Variants in CTNNB1 observed in about 807,000 individuals in gnomAD.
CTNNB1 encodes catenin beta 1, also known as catenin beta-1.
Under a neutral mutation model 82.5 loss-of-function variants are expected in CTNNB1, and 6 were observed. The observed-to-expected ratio is 0.07, with a 90% CI of 0.04 to 0.14. The LOEUF (loss-of-function observed/expected upper bound fraction) is 0.14, where lower values mean the gene tolerates loss of function less well. CTNNB1 is among the 10% of genes least tolerant of loss of function. The pLI is 1.00. For missense variants in CTNNB1, 529 were observed against 980.4 expected, an observed-to-expected ratio of 0.54 and a Z score of 6.15; for synonymous variants, 312 against 329.7, an observed-to-expected ratio of 0.95 and a Z score of 0.58.
intron 1 of CTNNB1, among the ~76,000 whole-genome samples, chr3:41,200,725 AGAC>A (rs1213120402): frequency 2.6e-5 from 4 of 152,202 alleles, no homozygotes; most frequent in Non-Finnish European, 5.9e-5. Context: ...CTTTGAACCG[AGAC>A]TTTTCGAAGT....
intron 1 of CTNNB1, among the ~76,000 whole-genome samples, chr3:41,208,937 C>G (rs926000791): frequency 2.0e-5 from 3 of 152,182 alleles, no homozygotes; most frequent in Non-Finnish European, 1.5e-5. Context: ...CTCTTTCCCG[C>G]AAAATAACCT....
intron 7 of CTNNB1, among the ~76,000 whole-genome samples, chr3:41,227,692 A>G (rs1329062841): frequency 3.3e-5 from 5 of 152,226 alleles, no homozygotes; most frequent in African/African-American, 4.8e-5. Context: ...AGTTTTATGT[A>G]AAGTGATTGC....
intron 11 of CTNNB1, chr3:41,236,108 G>A: frequency 2.9e-6 from 2 of 700,680 alleles, no homozygotes; most frequent in Non-Finnish European, 4.7e-6. Context: ...CCAATTCTGG[G>A]TTTTCCAAAT....
intron 7 of CTNNB1, among the ~76,000 whole-genome samples, chr3:41,231,326 CAAA>C (rs11377041): frequency 7.4e-6 from 1 of 135,024 alleles, no homozygotes; most frequent in Non-Finnish European, 1.6e-5. Flanking sequence ...GACTCTATCT[CAAA>C]AAAAAAAAAA....
At chr3:41,227,781 A>G (rs957297646) in intron 7 of CTNNB1, among the ~76,000 whole-genome samples, 1 of 152,100 alleles carries the variant, frequency 6.6e-6, no homozygotes, top group African/African-American at 2.4e-5. Flanking sequence ...CTTGTTATAT[A>G]GGTAAATTGC....
intron 1 of CTNNB1, among the ~76,000 whole-genome samples, chr3:41,207,026 T>A (rs2077664173): frequency 6.6e-6 from 1 of 152,370 alleles, no homozygotes; most frequent in South Asian, 2.1e-4. Flanking sequence ...TTTTATTGTT[T>A]AGTTTTCAAG....
At chr3:41,234,357 T>A in intron 10 of CTNNB1, 60 bp downstream of exon 10, 4 of 1,564,140 alleles carry the variant, frequency 2.6e-6, no homozygotes, top group East Asian at 2.2e-5. Context: ...ATCCAAAGGA[T>A]CCTGAACTTC....
chr3:41,221,760 T>C (rs2078054132), intron 1 of CTNNB1: 1 of 152,246 alleles, frequency 6.6e-6, no homozygotes, highest in Non-Finnish European at 1.5e-5. Flanking sequence ...TTCATAATTT[T>C]TAAGCACTCC....
Position 41,239,714 on chromosome 3 carries a change from G to A in CTNNB1, c.*372G>A, listed in dbSNP as rs4135389. ...GCCTGTAGAGTTGCTGAGAGGGCTC[G>A]AGGGGTGGGCTGGTATCTCAGAAAG... On this transcript the variant is annotated 3_prime_UTR_variant, in exon 15 of 15. Transcript: ENST00000349496. 75 of 379,704 alleles carry A rather than the reference G, an allele frequency of 2.0e-4. No homozygotes were observed. The highest frequency in any genetic ancestry group is 1.3e-3 in the African/African-American group (63 of 49,178). The allele number at this position is 379,704 out of a possible 1,614,324, so 23.5% of individuals were successfully genotyped here.
chr3:41,228,424 A>G (rs1458071124), intron 7 of CTNNB1, among the ~76,000 whole-genome samples: 1 of 152,218 alleles, frequency 6.6e-6, no homozygotes, highest in Non-Finnish European at 1.5e-5. Context: ...AACTGGTGTG[A>G]GACGGTATCT....
At chr3:41,221,030 G>A (rs532038975) in intron 1 of CTNNB1, 80 of 152,248 alleles carry the variant, frequency 5.3e-4, no homozygotes, top group African/African-American at 1.9e-3. Flanking sequence ...AGAGTATTAT[G>A]TTCATATTGC....
chr3:41,210,420 C>T (rs965728132), intron 1 of CTNNB1, among the ~76,000 whole-genome samples: 3 of 152,152 alleles, frequency 2.0e-5, no homozygotes, highest in Admixed American at 1.3e-4. Flanking sequence ...CGCCACTGCA[C>T]TCCAGTCTGG....
chr3:41,224,228 G>C (rs1034968353), intron 2 of CTNNB1, 147 bp downstream of exon 2: 1 of 1,009,760 alleles, frequency 9.9e-7, no homozygotes, highest in Non-Finnish European at 1.6e-6. Flanking sequence ...TCCTCCTAAT[G>C]GCTTGGTGAA....
chr3:41,235,709 T>C lies in CTNNB1; in HGVS notation c.1684-15T>C. The C allele has an allele frequency of 6.2e-7, 1 of 1,614,146 alleles. No individual in the cohort carries two copies. The highest frequency in any genetic ancestry group is 8.5e-7 in the Non-Finnish European group (1 of 1,179,996). On this transcript the variant is annotated splice_polypyrimidine_tract_variant and intron_variant, in intron 10 of 14. Transcript: ENST00000349496. ...AGGAGAATGCCCTGTTTGTTAACCATGTTTCTTTTGGCAGGAGGGGGTCCG... is the reference window on the plus strand; with the variant it reads ...AGGAGAATGCCCTGTTTGTTAACCACGTTTCTTTTGGCAGGAGGGGGTCCG...
In CTNNB1 at chr3:41,209,837, T is replaced by G. The variant is rs571720083; in HGVS notation, c.-49+10167T>G. 2.0e-5 allele frequency among the ~76,000 whole-genome samples: 3 copies of G among 152,306 alleles called. No individual in the cohort carries two copies. The South Asian group carries it at 6.2e-4, about 32-fold the overall frequency. ...GAATGGAGCTTGCAGGATATGTTGC[T>G]CTGGGTGAGTCAGCGAGTGACGATT... On this transcript the variant is annotated intron_variant, in intron 1 of 14. Coordinates refer to ENST00000349496, the MANE Select transcript of CTNNB1 (RefSeq NM_001904.4).
At chr3:41,211,207 A>T (rs550750292) in intron 1 of CTNNB1, among the ~76,000 whole-genome samples, 4 of 152,308 alleles carry the variant, frequency 2.6e-5, no homozygotes, top group East Asian at 1.9e-4. Context: ...GATGGCTACA[A>T]CATCACTAGG....
At chr3:41,233,958 T>C in intron 9 of CTNNB1, 91 bp downstream of exon 9, 3 of 1,457,720 alleles carry the variant, frequency 2.1e-6, no homozygotes, top group Non-Finnish European at 2.9e-6. Context: ...TAGTGATCAA[T>C]AAGTAGGAAT....
chr3:41,223,502 G>A (rs1052218154), intron 1 of CTNNB1, among the ~76,000 whole-genome samples: 24 of 152,016 alleles, frequency 1.6e-4, no homozygotes, highest in African/African-American at 4.8e-4. Context: ...TCTAAAATTC[G>A]CTATTCTAGT....
intron 7 of CTNNB1, among the ~76,000 whole-genome samples, chr3:41,231,304 G>A (rs2078301845): frequency 1.3e-5 from 2 of 150,768 alleles, no homozygotes; most frequent in African/African-American, 4.9e-5. Context: ...TTCAGCCTGG[G>A]CGACAGAGTG....
Sources: gnomAD v4.1 joint callset for allele counts (sites outside exome capture counted in the v4.1 genomes callset) on GRCh38, gnomAD v4.1.1 for gene constraint, MANE v1.5 for transcripts, NCBI Gene and HGNC (gene_info 2026-07-23, HGNC 2026-07-21) for gene names.